The following FHAD1 variants were observed in gnomAD, a reference collection of about 807,000 sequenced individuals.
FHAD1 encodes the protein forkhead associated phosphopeptide binding domain 1.
FHAD1 carries 146 observed loss-of-function variants against 191.3 expected under a neutral mutation model. The ratio of observed to expected loss-of-function variants is 0.76; its 90% CI spans 0.67 to 0.88. FHAD1 has a LOEUF of 0.88. Ranked by LOEUF, FHAD1 falls within the 40% of genes least tolerant of loss-of-function variation. FHAD1 has a pLI of 0.00. For synonymous variants in FHAD1, 616 were observed against 672.3 expected, an observed-to-expected ratio of 0.92 and a Z score of 1.29; for missense variants, 1,635 against 1,785.8, an observed-to-expected ratio of 0.92 and a Z score of 1.52.
chr1:15,262,317 A>G (rs1349321162), intron 2 of FHAD1, among the ~76,000 whole-genome samples: 1 of 152,132 alleles, frequency 6.6e-6, no homozygotes, highest in Non-Finnish European at 1.5e-5. Flanking sequence ...TGCTTTTTAT[A>G]TATACTGTTT....
intron 28 of FHAD1, 71 bp downstream of exon 28, chr1:15,375,801 T>C: frequency 7.0e-7 from 1 of 1,437,370 alleles, no homozygotes; most frequent in Non-Finnish European, 9.2e-7. Context: ...GACACTAGCT[T>C]CGTTCCCTGG....
chr1:15,378,512 G>A (rs1012377697), intron 28 of FHAD1, among the ~76,000 whole-genome samples: 11 of 152,176 alleles, frequency 7.2e-5, no homozygotes, highest in African/African-American at 2.4e-4. Flanking sequence ...GCAAGCTGCA[G>A]GAAAAGAGAG....
Position 15,380,706 on chromosome 1 carries a change from G to C in FHAD1, c.3711G>C (p.Gln1237His), listed in dbSNP as rs373791121. The C allele has an allele frequency of 1.3e-6, 2 of 1,551,506 alleles. No homozygotes were observed. Among genetic ancestry groups the C allele is most frequent in the Non-Finnish European group, 1.7e-6 (2 of 1,146,918 alleles). Residue 1237 changes from glutamine to histidine, a missense_variant, in exon 29 of 34, where the codon CAG (glutamine) becomes CAC (histidine). Transcript: ENST00000688493. ...TLSRIEILAP[Q>H]NGLCNARFGS... ...TCATTTCTTTCTGATTTCAGCCTCA[G>C]AATGGCCTTTGCAACGCAAGGTTCG...
At chr1:15,254,102 G>A (rs1273990763) in intron 2 of FHAD1, among the ~76,000 whole-genome samples, 1 of 152,174 alleles carries the variant, frequency 6.6e-6, no homozygotes, top group Non-Finnish European at 1.5e-5. Context: ...AAACTGTTCA[G>A]TGTACAAAGT....
intron 2 of FHAD1, among the ~76,000 whole-genome samples, chr1:15,266,028 G>A (rs1653353760): frequency 2.0e-5 from 3 of 151,394 alleles, no homozygotes; most frequent in Admixed American, 6.6e-5. Flanking sequence ...AATGTGGTCA[G>A]TAGGAATGGA....
chr1:15,351,502 C>G lies in FHAD1; in HGVS notation c.2455-1375C>G, dbSNP rs377413147. 3.6e-4 allele frequency among the ~76,000 whole-genome samples: 55 copies of G among 152,294 alleles called. No homozygotes were observed. The South Asian group carries it at 0.011, about 29-fold the overall frequency. ...TTCCTGGTGCTGTGACCTTGGAACA[C>G]TGCTTGTCTTTATACTGCCTCGGTT... On this transcript the variant is annotated intron_variant, in intron 19 of 33. Coordinates refer to ENST00000688493, the MANE Select transcript of FHAD1 (RefSeq NM_001391957.1).
chr1:15,296,491 G>T, intron 4 of FHAD1, 193 bp from the exon 5 acceptor site: 1 of 580,704 alleles, frequency 1.7e-6, no homozygotes, highest in Non-Finnish European at 3.2e-6. Context: ...CTGACTGCAT[G>T]ATCCGCCTGC....
At chr1:15,356,186 A>G (rs763049466) in intron 20 of FHAD1, among the ~76,000 whole-genome samples, 10 of 152,226 alleles carry the variant, frequency 6.6e-5, no homozygotes, top group Non-Finnish European at 1.3e-4. Flanking sequence ...AAATAATGAG[A>G]TTCTCTAAGC....
chr1:15,288,692 G>C (rs544001541), intron 3 of FHAD1, among the ~76,000 whole-genome samples: 2 of 152,352 alleles, frequency 1.3e-5, no homozygotes, highest in African/African-American at 4.8e-5. Flanking sequence ...TAGATGAAAA[G>C]TCCCTAATCC....
intron 19 of FHAD1, among the ~76,000 whole-genome samples, chr1:15,351,946 G>T (rs1322638884): frequency 6.6e-6 from 1 of 152,170 alleles, no homozygotes; most frequent in Non-Finnish European, 1.5e-5. Flanking sequence ...CACACACCTC[G>T]AGTCTCATAC....
chr1:15,361,745 G>A (rs1021949894), intron 22 of FHAD1, among the ~76,000 whole-genome samples: 11 of 149,718 alleles, frequency 7.3e-5, no homozygotes, highest in East Asian at 6.2e-4. Context: ...AGTGGCTCAC[G>A]CCTGTAATCC....
At chr1:15,309,983 G>T (rs556387029) in intron 7 of FHAD1, among the ~76,000 whole-genome samples, 6 of 152,290 alleles carry the variant, frequency 3.9e-5, no homozygotes, top group African/African-American at 1.2e-4. Context: ...GTGGGGTCAG[G>T]GGGGAGGCAG....
intron 8 of FHAD1, 133 bp downstream of exon 8, chr1:15,313,320 C>A: frequency 1.5e-5 from 1 of 66,758 alleles, no homozygotes; most frequent in Non-Finnish European, 2.9e-5. Context: ...CACCATTGTG[C>A]TGGGGGCGGG....
intron 3 of FHAD1, among the ~76,000 whole-genome samples, chr1:15,278,725 T>A (rs1429403031): frequency 6.6e-6 from 1 of 152,142 alleles, no homozygotes; most frequent in Non-Finnish European, 1.5e-5. Context: ...CTGCCCACCT[T>A]GGCCTCCCAA....
chr1:15,275,508 C>T lies in FHAD1; in HGVS notation c.300+2979C>T, dbSNP rs139391004. 3.6e-3 allele frequency among the ~76,000 whole-genome samples: 542 copies of T among 152,260 alleles called. 2 individuals carry two copies. The highest frequency in any genetic ancestry group is 0.012 in the African/African-American group (479 of 41,552). On this transcript the variant is annotated intron_variant, in intron 3 of 33. Coordinates refer to ENST00000688493, the MANE Select transcript of FHAD1 (RefSeq NM_001391957.1). ...TCCACCCCATCCTCACAAAACTGCTCTCGGCTCCCTTTCAGAGCATTCCTA... is the reference window on the plus strand; with the variant it reads ...TCCACCCCATCCTCACAAAACTGCTTTCGGCTCCCTTTCAGAGCATTCCTA...
intron 18 of FHAD1, among the ~76,000 whole-genome samples, chr1:15,346,039 C>T (rs1688806372): frequency 6.6e-6 from 1 of 152,166 alleles, no homozygotes; most frequent in African/African-American, 2.4e-5. Context: ...GTCCTCCGCC[C>T]TCCCCTGCGC....
At chr1:15,392,790 T>G (rs765209589) in intron 33 of FHAD1, among the ~76,000 whole-genome samples, 2 of 152,212 alleles carry the variant, frequency 1.3e-5, no homozygotes, top group Non-Finnish European at 2.9e-5. Flanking sequence ...TACCATTCAC[T>G]GATTTTTTTT....
intron 14 of FHAD1, among the ~76,000 whole-genome samples, chr1:15,337,379 T>G (rs1420640182): frequency 6.6e-6 from 1 of 152,180 alleles, no homozygotes; most frequent in Non-Finnish European, 1.5e-5. Context: ...TTTAAAAGGC[T>G]TTCCCTTTCT....
intron 2 of FHAD1, among the ~76,000 whole-genome samples, chr1:15,259,476 G>A (rs1310185781): frequency 6.6e-6 from 1 of 152,112 alleles, no homozygotes; most frequent in East Asian, 1.9e-4. Context: ...TCTACTCAAA[G>A]ATACTTCATT....
Sources: gnomAD v4.1 joint callset for allele counts (sites outside exome capture counted in the v4.1 genomes callset) on GRCh38, gnomAD v4.1.1 for gene constraint, MANE v1.5 for transcripts, NCBI Gene and HGNC (gene_info 2026-07-23, HGNC 2026-07-21) for gene names.